The following PALM2AKAP2 variants were observed in gnomAD, a reference collection of about 807,000 sequenced individuals.
PALM2AKAP2 encodes the protein PALM2-AKAP2 fusion protein.
A neutral mutation model predicts 71.5 loss-of-function variants in PALM2AKAP2; 37 were observed. That is an observed-to-expected ratio of 0.52 (90% CI 0.40 to 0.68). The LOEUF (loss-of-function observed/expected upper bound fraction) is 0.68. Ranked by LOEUF, PALM2AKAP2 falls within the 30% of genes least tolerant of loss-of-function variation. The pLI, the probability that PALM2AKAP2 is intolerant of heterozygous loss-of-function variation, is 0.00. For synonymous variants in PALM2AKAP2, 468 were observed against 478.8 expected (o/e 0.98, Z 0.29); for missense variants, 1,224 against 1,191.8 (o/e 1.03, Z -0.40).
intron 1 of PALM2AKAP2, among the ~76,000 whole-genome samples, chr9:110,128,944 T>C (rs1835675791): frequency 6.6e-6 from 1 of 152,270 alleles, no homozygotes; most frequent in Non-Finnish European, 1.5e-5. Context: ...CCTGCTGTTG[T>C]GTTTTCTGTG....
exon 2 of PALM2AKAP2, chr9:110,136,398 G>A (rs775216251): frequency 1.2e-5 from 19 of 1,614,040 alleles, no homozygotes; most frequent in East Asian, 1.1e-4. Context: ...AGAGAGATCC[G>A]CTATCTAGAT....
intron 6 of PALM2AKAP2, chr9:109,944,835 A>G (rs1181110200): frequency 6.6e-6 from 1 of 152,192 alleles, no homozygotes; most frequent in African/African-American, 2.4e-5. Flanking sequence ...TAAAATAACA[A>G]TAGTATAGTA....
chr9:109,861,676 T>C (rs1016982039), intron 1 of PALM2AKAP2, among the ~76,000 whole-genome samples: 1 of 152,160 alleles, frequency 6.6e-6, no homozygotes, highest in Non-Finnish European at 1.5e-5. Flanking sequence ...GAATTTCCAC[T>C]TCCCCCGCCT....
chr9:109,677,913 A>C (rs1331023253), intron 1 of PALM2AKAP2, among the ~76,000 whole-genome samples: 1 of 152,214 alleles, frequency 6.6e-6, no homozygotes. Context: ...TGGGAAATTA[A>C]GTTTGGGAAT....
At position 109,836,102 on chromosome 9, in the gene PALM2AKAP2, C is replaced by T. The variant is rs185404310; in HGVS notation, c.46-31389C>T. Among the ~76,000 whole-genome samples the T allele has an allele frequency of 2.4e-3, 363 of 152,292 alleles. 1 individual carries two copies. The highest frequency in any genetic ancestry group is 7.7e-3 in the African/African-American group (320 of 41,566). On this transcript the variant is annotated intron_variant, in intron 1 of 9. Coordinates refer to the PALM2AKAP2 transcript ENST00000302798. Reference sequence around the variant, plus strand: ...CCTCCTCAAGTGGGTCCCTGATCCCCGAGTAGCCTAACTGGGAGGCATCCC... The same window carrying T: ...CCTCCTCAAGTGGGTCCCTGATCCCTGAGTAGCCTAACTGGGAGGCATCCC...
At chr9:109,641,445 G>A (rs1453254064) in intron 1 of PALM2AKAP2, among the ~76,000 whole-genome samples, 1 of 152,236 alleles carries the variant, frequency 6.6e-6, no homozygotes, top group Non-Finnish European at 1.5e-5. Context: ...GCGGCAGCCC[G>A]GAGTGGAATT....
chr9:109,875,060 C>T (rs1289862948), intron 2 of PALM2AKAP2, among the ~76,000 whole-genome samples: 1 of 152,218 alleles, frequency 6.6e-6, no homozygotes, highest in African/African-American at 2.4e-5. Context: ...CAGAATCCTA[C>T]CTAATCTGGC....
intron 6 of PALM2AKAP2, among the ~76,000 whole-genome samples, chr9:110,014,846 A>G (rs1832951816): frequency 7.5e-6 from 1 of 133,792 alleles, no homozygotes; most frequent in Non-Finnish European, 1.6e-5. Context: ...ATATATATAT[A>G]TATATACACA....
At chr9:110,089,012 G>A (rs760517707) in intron 1 of PALM2AKAP2, among the ~76,000 whole-genome samples, 4 of 152,028 alleles carry the variant, frequency 2.6e-5, no homozygotes, top group Non-Finnish European at 5.9e-5. Context: ...GAGCCACCGC[G>A]CCGGCCTACA....
chr9:109,917,475 G>C (rs992050810), intron 3 of PALM2AKAP2, among the ~76,000 whole-genome samples: 1 of 147,802 alleles, frequency 6.8e-6, no homozygotes, highest in South Asian at 2.2e-4. Flanking sequence ...TTAAGCCAAC[G>C]CTCCTTTCCT....
chr9:109,707,383 G>C (rs1361985302), intron 1 of PALM2AKAP2, among the ~76,000 whole-genome samples: 1 of 152,114 alleles, frequency 6.6e-6, no homozygotes, highest in African/African-American at 2.4e-5. Flanking sequence ...CCCTGCCCCA[G>C]CTTTGAAGTC....
intron 1 of PALM2AKAP2, among the ~76,000 whole-genome samples, chr9:110,119,728 A>G (rs916756159): frequency 2.6e-5 from 4 of 152,172 alleles, no homozygotes; most frequent in Non-Finnish European, 5.9e-5. Flanking sequence ...TGAACCGTCT[A>G]TCCATATCTT....
intron 7 of PALM2AKAP2, among the ~76,000 whole-genome samples, chr9:110,034,957 C>T (rs574028113): frequency 4.0e-5 from 6 of 151,346 alleles, no homozygotes; most frequent in Non-Finnish European, 5.9e-5. Context: ...TTTATGATTA[C>T]GGAGTTAAAG....
At chr9:109,921,059 T>C (rs1193528834) in intron 3 of PALM2AKAP2, among the ~76,000 whole-genome samples, 2 of 152,364 alleles carry the variant, frequency 1.3e-5, no homozygotes, top group Admixed American at 1.3e-4. Context: ...CATCTTTATG[T>C]TCGTATCTCT....
intron 6 of PALM2AKAP2, among the ~76,000 whole-genome samples, chr9:109,986,034 T>TA (rs1375297995): frequency 6.6e-6 from 1 of 152,234 alleles, no homozygotes; most frequent in Non-Finnish European, 1.5e-5. Context: ...CAACTGCTAA[T>TA]ACGTCATCAA....
chr9:109,885,250 A>G (rs907547443), intron 3 of PALM2AKAP2, among the ~76,000 whole-genome samples: 2 of 152,176 alleles, frequency 1.3e-5, no homozygotes, highest in African/African-American at 2.4e-5. Context: ...CCTCTGCCAG[A>G]ATTATTATAT....
chr9:109,790,578 C>T (rs1476737161), intron 1 of PALM2AKAP2, among the ~76,000 whole-genome samples: 1 of 152,144 alleles, frequency 6.6e-6, no homozygotes, highest in African/African-American at 2.4e-5. Context: ...ATTTGGGCAA[C>T]TGTGATAGTG....
At chr9:110,106,810 A>G (rs1464558189) in intron 1 of PALM2AKAP2, among the ~76,000 whole-genome samples, 1 of 152,232 alleles carries the variant, frequency 6.6e-6, no homozygotes, top group Non-Finnish European at 1.5e-5. Flanking sequence ...TTCAGTTCCC[A>G]AACAAATGGC....
intron 7 of PALM2AKAP2, among the ~76,000 whole-genome samples, chr9:110,035,962 G>A (rs1447455153): frequency 4.0e-5 from 6 of 151,382 alleles, no homozygotes; most frequent in Non-Finnish European, 8.8e-5. Context: ...TTATTGTTGA[G>A]ATGGAGTCTT....
Sources: allele counts gnomAD v4.1 joint callset (sites outside exome capture counted in the v4.1 genomes callset), GRCh38; gene constraint gnomAD v4.1.1; transcripts MANE v1.5; gene names NCBI Gene and HGNC (gene_info 2026-07-23, HGNC 2026-07-21).